Variants in DFFB observed in about 807,000 individuals in gnomAD.
The protein encoded by DFFB is DNA fragmentation factor subunit beta.
Under a neutral mutation model 32.7 loss-of-function variants are expected in DFFB, and 29 were observed. The observed-to-expected ratio is 0.89, with a 90% CI of 0.66 to 1.21. DFFB has a LOEUF of 1.21. Ranked by LOEUF, DFFB falls within the 50% of genes most tolerant of loss-of-function variation. The pLI is 0.00. For synonymous variants in DFFB, 170 were observed against 177.1 expected (o/e 0.96, Z 0.32); for missense variants, 398 against 440.6 (o/e 0.90, Z 0.87).
At chr1:3,861,030 T>C (rs1336072507) in intron 2 of DFFB, among the ~76,000 whole-genome samples, 2 of 151,954 alleles carry the variant, frequency 1.3e-5, no homozygotes, top group Non-Finnish European at 2.9e-5. Context: ...TGGCGGGCGC[T>C]TGTAATCTCG....
At chr1:3,882,383 T>C (rs530674166) in intron 6 of DFFB, among the ~76,000 whole-genome samples, 6 of 152,170 alleles carry the variant, frequency 3.9e-5, no homozygotes, top group East Asian at 3.9e-4. Context: ...CTTTTTTTTT[T>C]CAGACAGAAT....
At chr1:3,881,857 AAG>A (rs1191517701) in intron 6 of DFFB, among the ~76,000 whole-genome samples, 3 of 140,772 alleles carry the variant, frequency 2.1e-5, no homozygotes, top group African/African-American at 8.0e-5. Flanking sequence ...GTGACAGAGC[AAG>A]ACTCTGTTTC....
chr1:3,867,787 A>G (rs1645013715), intron 3 of DFFB, 187 bp from the exon 4 acceptor site: 6 of 623,664 alleles, frequency 9.6e-6, no homozygotes. Context: ...CAGGAGGTTA[A>G]GGCTGTAGTA....
At chr1:3,866,175 G>T in intron 3 of DFFB, 175 bp downstream of exon 3, 1 of 699,878 alleles carries the variant, frequency 1.4e-6, no homozygotes, top group Non-Finnish European at 2.5e-6. Context: ...TCGTGGGAAA[G>T]GTACCCAGCA....
intron 5 of DFFB, among the ~76,000 whole-genome samples, chr1:3,871,385 C>G (rs1261323754): frequency 6.6e-6 from 1 of 152,188 alleles, no homozygotes; most frequent in Admixed American, 6.5e-5. Context: ...CTCCCAGGTT[C>G]AAGTGATTCT....
chr1:3,883,004 CT>C lies in DFFB; in HGVS notation c.783-487del, dbSNP rs200251035. 3.2e-3 allele frequency among the ~76,000 whole-genome samples: 444 copies of C among 140,218 alleles called. 5 individuals carry two copies. The highest frequency in any genetic ancestry group is 6.6e-3 in the African/African-American group (248 of 37,468). 92.0% of individuals were successfully genotyped at this position (140,218 alleles called of 152,430 possible). A position where few individuals can be genotyped will look rare whatever the true frequency, so the allele number is the denominator to read the frequency against. ...CAGTATTCTGAACAGTGACACGAGT[CT>C]TTTTTTTTTTTTTTTGAGATGGTGT... On this transcript the variant is annotated intron_variant, in intron 6 of 6. Transcript: ENST00000378209.
intron 6 of DFFB, 112 bp from the exon 7 acceptor site, chr1:3,883,395 G>A (rs754403373): frequency 5.1e-5 from 51 of 1,003,182 alleles, no homozygotes; most frequent in Middle Eastern, 6.4e-4. Context: ...CCGTGTGTCC[G>A]TGATAGCACT....
chr1:3,867,595 A>G, intron 3 of DFFB: 1 of 218,576 alleles, frequency 4.6e-6, no homozygotes, highest in East Asian at 1.1e-4. Context: ...GCTCACACCT[A>G]TAATCCTAGC....
intron 6 of DFFB, among the ~76,000 whole-genome samples, chr1:3,874,061 A>G (rs1170042895): frequency 1.3e-5 from 2 of 152,250 alleles, no homozygotes; most frequent in Non-Finnish European, 2.9e-5. Flanking sequence ...CTGCACCTTT[A>G]CCACAAGCGT....
At chr1:3,860,370 G>A (rs188259614) in intron 2 of DFFB, 1 of 375,950 alleles carries the variant, frequency 2.7e-6, no homozygotes, top group Non-Finnish European at 5.6e-6. Flanking sequence ...GGGACCACAG[G>A]CATGCATTAC....
In DFFB at chr1:3,883,744, C is replaced by T. The variant is rs201777970; in HGVS notation, c.*3C>T. On this transcript the variant is annotated 3_prime_UTR_variant, in exon 7 of 7. Transcript: ENST00000378209. ...AGCCTGTGCGGAAACGCCAGTGACACGTACACACCACGTCCTGGTCTTTGT... is the reference window on the plus strand; with the variant it reads ...AGCCTGTGCGGAAACGCCAGTGACATGTACACACCACGTCCTGGTCTTTGT... 149 of 1,612,368 alleles carry T rather than the reference C, an allele frequency of 9.2e-5. 1 individual carries two copies. The highest frequency in any genetic ancestry group is 7.6e-4 in the East Asian group (34 of 44,868).
intron 2 of DFFB, among the ~76,000 whole-genome samples, chr1:3,864,927 T>C (rs556387075): frequency 6.6e-6 from 1 of 152,330 alleles, no homozygotes; most frequent in South Asian, 2.1e-4. Context: ...CTTGTCCTTT[T>C]TCTAATTGGC....
At chr1:3,868,341 C>G (rs897968826) in intron 4 of DFFB, among the ~76,000 whole-genome samples, 3 of 152,088 alleles carry the variant, frequency 2.0e-5, no homozygotes, top group Admixed American at 2.0e-4. Flanking sequence ...TCCTCTCCCC[C>G]CGAGGCTTCT....
chr1:3,881,743 G>A (rs140663828), intron 6 of DFFB, among the ~76,000 whole-genome samples: 70 of 152,234 alleles, frequency 4.6e-4, no homozygotes, highest in Middle Eastern at 3.4e-3. Flanking sequence ...GGTGGCGCAC[G>A]CCTGTAATCC....
chr1:3,874,691 C>T lies in DFFB; in HGVS notation c.782+2119C>T, dbSNP rs61768958. 1.5e-4 allele frequency among the ~76,000 whole-genome samples: 22 copies of T among 142,552 alleles called. No individual in the cohort carries two copies. The East Asian group carries it at 1.9e-3, about 13-fold the overall frequency. The allele number at this position is 142,552 out of a possible 152,430, so 93.5% of individuals were successfully genotyped here. ...GCCGTGTAGCTGCACCTTTACCACA[C>T]GCGTGTGAGTTTAACATGCACATAT... On this transcript the variant is annotated intron_variant, in intron 6 of 6. Transcript: ENST00000378209.
At chr1:3,874,969 G>A (rs11584266) in intron 6 of DFFB, among the ~76,000 whole-genome samples, 58,023 of 149,596 alleles carry the variant, frequency 0.39, 10,755 homozygotes, top group Non-Finnish European at 0.45. Flanking sequence ...CCACGTTGTC[G>A]TCTGCAGAGC....
At chr1:3,871,852 G>A (rs1203844658) in intron 5 of DFFB, among the ~76,000 whole-genome samples, 2 of 152,228 alleles carry the variant, frequency 1.3e-5, no homozygotes, top group Admixed American at 1.3e-4. Context: ...TGGAAGGGGA[G>A]GCAGGAGCAG....
chr1:3,859,156 C>T (rs1644829877), intron 2 of DFFB, among the ~76,000 whole-genome samples: 1 of 152,134 alleles, frequency 6.6e-6, no homozygotes. Flanking sequence ...GGGTTGGGGC[C>T]TGCACAGTTT....
rs543420498 is a variant in DFFB at position 3,872,693 on chromosome 1, C to T, written c.782+121C>T. 4.5e-6 allele frequency: 4 copies of T among 881,538 alleles called. No homozygotes were observed. In the East Asian group the frequency reaches 1.0e-4, roughly 23 times the overall value. 54.6% of individuals were successfully genotyped at this position (881,538 alleles called of 1,614,324 possible). A position where few individuals can be genotyped will look rare whatever the true frequency, so the allele number is the denominator to read the frequency against. On this transcript the variant is annotated intron_variant, in intron 6 of 6. Transcript: ENST00000378209. Reference sequence around the variant, plus strand: ...CCCTGTCCCTGCCACGGTGTTGCCTCCTTGGGTTTCAAGGGCTGCACCCGT... The same window carrying T: ...CCCTGTCCCTGCCACGGTGTTGCCTTCTTGGGTTTCAAGGGCTGCACCCGT...
Sources: gnomAD v4.1 joint callset for allele counts (sites outside exome capture counted in the v4.1 genomes callset) on GRCh38, gnomAD v4.1.1 for gene constraint, MANE v1.5 for transcripts, NCBI Gene and HGNC (gene_info 2026-07-23, HGNC 2026-07-21) for gene names.